MYO1H: variants seen among roughly 807,000 people sequenced by gnomAD.
MYO1H encodes the protein myosin IH, also known as unconventional myosin-Ih.
In MYO1H, 118 loss-of-function variants were observed where a neutral mutation model predicts 149.3. The ratio of observed to expected loss-of-function variants is 0.79; its 90% CI spans 0.68 to 0.92. The LOEUF (loss-of-function observed/expected upper bound fraction) is 0.92. Ranked by LOEUF, MYO1H falls within the 40% of genes least tolerant of loss-of-function variation. MYO1H has a pLI of 0.00. For synonymous variants in MYO1H, 447 were observed against 465.2 expected, an observed-to-expected ratio of 0.96 and a Z score of 0.50; for missense variants, 1,212 against 1,280.7, an observed-to-expected ratio of 0.95 and a Z score of 0.82.
intron 6 of MYO1H, among the ~76,000 whole-genome samples, chr12:109,403,135 A>G (rs9943753): frequency 0.71 from 108,283 of 152,194 alleles, 39,996 homozygotes; most frequent in African/African-American, 0.93. Flanking sequence ...CCCTTCAGGG[A>G]CAGGAGCAGA....
intron 1 of MYO1H, among the ~76,000 whole-genome samples, chr12:109,376,033 A>G (rs1869080882): frequency 6.6e-6 from 1 of 152,010 alleles, no homozygotes; most frequent in African/African-American, 2.4e-5. Context: ...GGCCATGAAG[A>G]TATCTTCTAT....
the MYO1H span, among the ~76,000 whole-genome samples, chr12:109,337,399 G>A: frequency 6.6e-6 from 1 of 152,150 alleles, no homozygotes; most frequent in African/African-American, 2.4e-5. Flanking sequence ...CTGTTCTCAT[G>A]CTGCTAATAA....
In MYO1H at chr12:109,434,703, G is replaced by A. The variant is rs529633496; in HGVS notation, c.2064-334G>A. On this transcript the variant is annotated intron_variant, in intron 20 of 31. Coordinates refer to ENST00000310903, the Ensembl canonical transcript of MYO1H. ...AAATCCAAAAATCAAGAGTTGGCAG[G>A]GCCACATTCCTGCGGGAGCCTCTTT... Among the ~76,000 whole-genome samples, 13 of 152,230 alleles carry A rather than the reference G, an allele frequency of 8.5e-5. No homozygotes were observed. In the South Asian group the frequency reaches 1.4e-3, roughly 17 times the overall value.
the MYO1H span, among the ~76,000 whole-genome samples, chr12:109,316,725 G>A: frequency 1.5e-4 from 23 of 152,210 alleles, no homozygotes; most frequent in East Asian, 7.7e-4. Flanking sequence ...TGGGTGTAAC[G>A]GACAAAAAGA....
At chr12:109,382,691 A>G (rs1312959092) in intron 1 of MYO1H, among the ~76,000 whole-genome samples, 1 of 151,886 alleles carries the variant, frequency 6.6e-6, no homozygotes, top group Non-Finnish European at 1.5e-5. Context: ...ATGTTTTGTG[A>G]TTTACCTCGA....
the MYO1H span, among the ~76,000 whole-genome samples, chr12:109,317,596 C>CTT: frequency 6.6e-6 from 1 of 152,134 alleles, no homozygotes; most frequent in African/African-American, 2.4e-5. Context: ...TTCCACCCAC[C>CTT]TTTTTGATGT....
intron 27 of MYO1H, 119 bp downstream of exon 27, chr12:109,442,391 G>T (rs1210712327): frequency 1.2e-5 from 9 of 768,648 alleles, no homozygotes; most frequent in Admixed American, 2.2e-5. Context: ...GGGCAGCTGG[G>T]GCTCTCAACT....
chr12:109,340,035 A>G, the MYO1H span, among the ~76,000 whole-genome samples: 2 of 152,300 alleles, frequency 1.3e-5, no homozygotes, highest in South Asian at 4.1e-4. Context: ...TAGTATTAAT[A>G]GCAAAACTTG....
chr12:109,443,660 G>A lies in MYO1H; in HGVS notation c.2824+11G>A, dbSNP rs964952119. On this transcript the variant is annotated intron_variant, in intron 28 of 31. Coordinates refer to ENST00000310903, the Ensembl canonical transcript of MYO1H. ...ACTCAGCTCTCAAAGGTAAGAAGTG[G>A]GCAATCTTTAAAACAATGCACTGAG... 6.2e-7 allele frequency: 1 copy of A among 1,613,354 alleles called. No individual in the cohort carries two copies. The highest frequency in any genetic ancestry group is 8.5e-7 in the Non-Finnish European group (1 of 1,179,724).
chr12:109,370,048 A>C (rs1284977723), intron 1 of MYO1H, among the ~76,000 whole-genome samples: 2 of 152,182 alleles, frequency 1.3e-5, no homozygotes, highest in African/African-American at 4.8e-5. Context: ...AGCACAGGGA[A>C]GACCCGCCCC....
At chr12:109,328,210 G>A in the MYO1H span, among the ~76,000 whole-genome samples, 1 of 150,954 alleles carries the variant, frequency 6.6e-6, no homozygotes, top group African/African-American at 2.4e-5. Context: ...TTTTAAATTG[G>A]GGTGAAATTC....
the MYO1H span, among the ~76,000 whole-genome samples, chr12:109,310,727 A>G: frequency 6.6e-6 from 1 of 152,116 alleles, no homozygotes; most frequent in Non-Finnish European, 1.5e-5. Flanking sequence ...GCACTGGTCC[A>G]TGTCCTCACA....
chr12:109,440,681 A>T (rs1872077613), intron 24 of MYO1H, 63 bp from the exon 25 acceptor site: 1 of 1,207,268 alleles, frequency 8.3e-7, no homozygotes. Flanking sequence ...CTTCATTTTG[A>T]TCGCCACAGC....
At chr12:109,409,082 C>T (rs189934908) in intron 10 of MYO1H, among the ~76,000 whole-genome samples, 14 of 152,158 alleles carry the variant, frequency 9.2e-5, no homozygotes, top group African/African-American at 2.4e-4. Flanking sequence ...TGAGCCACCA[C>T]GCCTGGCCTG....
chr12:109,356,585 T>G (rs1243837079), intron 1 of MYO1H, among the ~76,000 whole-genome samples: 2 of 152,172 alleles, frequency 1.3e-5, no homozygotes, highest in Non-Finnish European at 2.9e-5. Context: ...GGCTTTGCAT[T>G]TAATGTTTTT....
intron 1 of MYO1H, among the ~76,000 whole-genome samples, chr12:109,373,936 G>C (rs912528606): frequency 1.3e-5 from 2 of 152,144 alleles, no homozygotes; most frequent in Non-Finnish European, 2.9e-5. Context: ...GCAGTGAGCT[G>C]AGATCACACC....
intron 13 of MYO1H, 136 bp from the exon 14 acceptor site, chr12:109,411,758 C>T (rs532146925): frequency 5.1e-6 from 3 of 590,172 alleles, no homozygotes; most frequent in East Asian, 3.2e-5. Context: ...TTCTTCCCCC[C>T]AGAATGTTCA....
rs1179588868 is a variant in MYO1H, at chr12:109,396,596, G to A, written c.489+14G>A. On this transcript the variant is annotated intron_variant, in intron 4 of 31. Transcript: ENST00000310903. ...CCAGTGCTGGAGGTAAGCGATCTCT[G>A]GGGACCAATCGAAGGGAGTTCCAGG... is the stretch of plus-strand genomic sequence containing the variant. The A allele has an allele frequency of 6.2e-7, 1 of 1,600,956 alleles. No homozygotes were observed. The highest frequency in any genetic ancestry group is 8.5e-7 in the Non-Finnish European group (1 of 1,173,034).
intron 8 of MYO1H, among the ~76,000 whole-genome samples, chr12:109,406,346 A>T (rs1365246670): frequency 1.3e-5 from 2 of 151,866 alleles, no homozygotes; most frequent in African/African-American, 4.8e-5. Context: ...CATGCCTGTG[A>T]TCCCAGTGCT....
Sources: allele counts gnomAD v4.1 joint callset (sites outside exome capture counted in the v4.1 genomes callset), GRCh38; gene constraint gnomAD v4.1.1; transcripts MANE v1.5; gene names NCBI Gene and HGNC (gene_info 2026-07-23, HGNC 2026-07-21).